The following TDRD3 variants were observed in gnomAD, a reference collection of about 807,000 sequenced individuals.
TDRD3 encodes tudor domain containing 3.
Under a neutral mutation model 86.7 loss-of-function variants are expected in TDRD3, and 45 were observed. That is an observed-to-expected ratio of 0.52 (90% CI 0.41 to 0.67). The LOEUF (loss-of-function observed/expected upper bound fraction) is 0.67. TDRD3 is among the 30% of genes least tolerant of loss of function. The pLI is 0.00. For missense variants in TDRD3, 814 were observed against 889.0 expected (o/e 0.92, Z 1.07); for synonymous variants, 298 against 301.7 (o/e 0.99, Z 0.13).
At chr13:60,447,928 A>G (rs1417821133) in intron 3 of TDRD3, among the ~76,000 whole-genome samples, 1 of 152,144 alleles carries the variant, frequency 6.6e-6, no homozygotes, top group Non-Finnish European at 1.5e-5. Flanking sequence ...GGCCTCACCC[A>G]TGTATTTTCC....
chr13:60,413,000 G>C (rs1288172753), intron 1 of TDRD3, among the ~76,000 whole-genome samples: 1 of 150,832 alleles, frequency 6.6e-6, no homozygotes, highest in East Asian at 1.9e-4. Context: ...GCTTTTTGCT[G>C]TTACGGCCTG....
At chr13:60,531,561 G>A (rs1184293701) in intron 11 of TDRD3, among the ~76,000 whole-genome samples, 3 of 152,138 alleles carry the variant, frequency 2.0e-5, no homozygotes, top group Admixed American at 6.6e-5. Flanking sequence ...TGGAATTCAC[G>A]TTCAAAATGT....
At chr13:60,447,595 C>T (rs1284091231) in intron 3 of TDRD3, among the ~76,000 whole-genome samples, 1 of 152,056 alleles carries the variant, frequency 6.6e-6, no homozygotes, top group Non-Finnish European at 1.5e-5. Context: ...CAAGGGGATT[C>T]AATAAATAAG....
intron 1 of TDRD3, among the ~76,000 whole-genome samples, chr13:60,428,686 A>G (rs371671543): frequency 1.3e-5 from 2 of 152,246 alleles, no homozygotes; most frequent in East Asian, 3.8e-4. Context: ...GTCTTGAGAC[A>G]TACGTCCTCG....
At chr13:60,554,913 A>T (rs17189720) in intron 12 of TDRD3, among the ~76,000 whole-genome samples, 21,465 of 152,196 alleles carry the variant, frequency 0.14, 1,593 homozygotes, top group African/African-American at 0.18. Flanking sequence ...AATACGGTTT[A>T]TGAATTTCAA....
intron 2 of TDRD3, among the ~76,000 whole-genome samples, chr13:60,442,379 G>GTT (rs1955300261): frequency 6.6e-6 from 1 of 151,908 alleles, no homozygotes; most frequent in Non-Finnish European, 1.5e-5. Context: ...TTATGTGTGT[G>GTT]TGTGTGTGTG....
intron 1 of TDRD3, among the ~76,000 whole-genome samples, chr13:60,433,819 C>T (rs777902408): frequency 3.3e-5 from 5 of 152,138 alleles, no homozygotes; most frequent in South Asian, 2.1e-4. Flanking sequence ...TGCCTTGCTC[C>T]GTTTCATTAT....
At chr13:60,396,502 G>C (rs1391658363), upstream of TDRD3, 1 of 152,428 alleles carries the variant, frequency 6.6e-6, no homozygotes, top group Non-Finnish European at 1.5e-5. Context: ...GAAGGGCATC[G>C]GCGGGGAAGC....
intron 2 of TDRD3, among the ~76,000 whole-genome samples, 191 bp downstream of exon 2, chr13:60,439,963 T>C (rs547239960): frequency 3.9e-4 from 60 of 152,294 alleles, no homozygotes; most frequent in African/African-American, 1.2e-3. Context: ...ATATCTGTTA[T>C]ACAGAATCCA....
chr13:60,414,259 C>G (rs1342318767), intron 1 of TDRD3, among the ~76,000 whole-genome samples: 1 of 151,922 alleles, frequency 6.6e-6, no homozygotes, highest in Non-Finnish European at 1.5e-5. Context: ...ATAGCTTTAT[C>G]CTAAGGAGTT....
At position 60,509,835 on chromosome 13, in the gene TDRD3, G is replaced by A; in HGVS notation, c.931G>A (p.Asp311Asn). ...SKEASRQALM[D>N]NGNNLEAALN... ...GGAAGCATCGAGGCAAGCTCTTATGGATAATGGCAACAACTTAGAAGCAGC... is the reference window on the plus strand; with the variant it reads ...GGAAGCATCGAGGCAAGCTCTTATGAATAATGGCAACAACTTAGAAGCAGC... The change falls in exon 9 of 14, where the codon GAT becomes AAT. Residue 311 changes from aspartate (D) to asparagine (N), a missense_variant. Physicochemically the swap from Asp to Asn is conservative, Grantham distance 23. Coordinates refer to ENST00000377881, the MANE Select transcript of TDRD3 (RefSeq NM_001146070.2). 1.2e-6 allele frequency: 2 copies of A among 1,613,894 alleles called. No homozygotes were observed. Among genetic ancestry groups the A allele is most frequent in the African/African-American group, 1.3e-5 (1 of 75,036 alleles).
rs763551689 is a variant in TDRD3, at chr13:60,528,984, C to G, written c.1759C>G (p.Pro587Ala). 3.1e-6 allele frequency: 5 copies of G among 1,613,914 alleles called. No homozygotes were observed. Among genetic ancestry groups the G allele is most frequent in the African/African-American group, 2.7e-5 (2 of 75,002 alleles). ...PVRSNSFIGV[P>A]NGEVEMPLKG... is the part of the protein sequence containing the mutation. ...TCGAAGTAATAGTTTCATTGGTGTTCCAAATGGAGAAGTAGAAATGCCACT... is the reference window on the plus strand; with the variant it reads ...TCGAAGTAATAGTTTCATTGGTGTTGCAAATGGAGAAGTAGAAATGCCACT... The change falls in exon 11 of 14, where the codon CCA becomes GCA. Residue 587 changes from proline (P) to alanine (A), a missense_variant. Coordinates refer to ENST00000377881, the MANE Select transcript of TDRD3 (RefSeq NM_001146070.2).
Position 60,467,307 on chromosome 13 carries a change from C to A in TDRD3, c.423C>A (p.Leu141=). The A allele has an allele frequency of 1.2e-6, 2 of 1,613,914 alleles. No homozygotes were observed. The highest frequency in any genetic ancestry group is 1.7e-6 in the Non-Finnish European group (2 of 1,179,878). The change falls in exon 5 of 14, where the codon CTC becomes CTA. Residue 141 remains leucine, a synonymous_variant. Coordinates refer to ENST00000377881, the MANE Select transcript of TDRD3 (RefSeq NM_001146070.2). ...TTGACATAAAAAATGGATTCCTGCTCTTGAATGACTCTAACACCACAGTTC... is the reference window on the plus strand; with the variant it reads ...TTGACATAAAAAATGGATTCCTGCTATTGAATGACTCTAACACCACAGTTC... ...GIVDIKNGFL[L]LNDSNTTVLG...
chr13:60,533,286 T>A (rs1957624527), intron 11 of TDRD3, among the ~76,000 whole-genome samples: 2 of 152,182 alleles, frequency 1.3e-5, no homozygotes, highest in African/African-American at 4.8e-5. Context: ...TTTAGAAGGA[T>A]GTGAAAAATA....
chr13:60,431,796 AATAG>A (rs980447486), intron 1 of TDRD3, among the ~76,000 whole-genome samples: 20 of 151,744 alleles, frequency 1.3e-4, no homozygotes, highest in Admixed American at 3.9e-4. Flanking sequence ...AATGCATATT[AATAG>A]ATAGTTGATT....
At chr13:60,478,129 G>A (rs1480257116) in intron 5 of TDRD3, among the ~76,000 whole-genome samples, 1 of 151,890 alleles carries the variant, frequency 6.6e-6, no homozygotes, top group Non-Finnish European at 1.5e-5. Flanking sequence ...AGGAATGTAT[G>A]CATTTCCTCT....
chr13:60,462,457 A>T (rs1955821933), intron 4 of TDRD3, among the ~76,000 whole-genome samples: 1 of 152,194 alleles, frequency 6.6e-6, no homozygotes, highest in African/African-American at 2.4e-5. Context: ...TGCCGTAAAA[A>T]TGGCAGCTGA....
intron 7 of TDRD3, among the ~76,000 whole-genome samples, chr13:60,489,398 G>A (rs1465630655): frequency 6.6e-6 from 1 of 152,146 alleles, no homozygotes; most frequent in Non-Finnish European, 1.5e-5. Flanking sequence ...TGAAGTGTAA[G>A]TAGTAGTGTT....
At chr13:60,486,094 G>C (rs1595003880) in intron 7 of TDRD3, 146 bp downstream of exon 7, 1 of 740,010 alleles carries the variant, frequency 1.4e-6, no homozygotes, top group South Asian at 3.7e-5. Flanking sequence ...AACTGGGAAT[G>C]CCCTGCCACT....
Sources: gnomAD v4.1 joint callset for allele counts (sites outside exome capture counted in the v4.1 genomes callset) on GRCh38, gnomAD v4.1.1 for gene constraint, MANE v1.5 for transcripts, NCBI Gene and HGNC (gene_info 2026-07-23, HGNC 2026-07-21) for gene names.